CAMSAP1: variants seen among roughly 807,000 people sequenced by gnomAD.
The protein encoded by CAMSAP1 is calmodulin regulated spectrin associated protein 1.
A neutral mutation model predicts 143.5 loss-of-function variants in CAMSAP1; 58 were observed. The observed-to-expected ratio is 0.40, with a 90% confidence interval of 0.33 to 0.50. The LOEUF (loss-of-function observed/expected upper bound fraction) is 0.50, where lower values mean the gene tolerates loss of function less well. CAMSAP1 is among the 20% of genes least tolerant of loss of function. The pLI, the probability that CAMSAP1 is intolerant of heterozygous loss-of-function variation, is 0.45. For missense variants in CAMSAP1, 1,969 were observed against 2,115.7 expected (o/e 0.93, Z 1.36); for synonymous variants, 945 against 859.3 (o/e 1.10, Z -1.74).
chr9:135,853,816 T>C (rs565971716), intron 5 of CAMSAP1, among the ~76,000 whole-genome samples: 64 of 152,244 alleles, frequency 4.2e-4, no homozygotes, highest in South Asian at 1.7e-3. Context: ...GGGCCTTCAA[T>C]GGAACTGCAC....
rs554684817 is a variant in CAMSAP1, at chr9:135,811,073, G to A, written c.*236C>T. The A allele has an allele frequency of 1.0e-4, 58 of 562,844 alleles. No homozygotes were observed. The highest frequency in any genetic ancestry group is 9.8e-4 in the Middle Eastern group (2 of 2,050). 34.9% of individuals were successfully genotyped at this position (562,844 alleles called of 1,614,324 possible). ...CAGCAGTGCGAGCCACTGCAAAAGC[G>A]GCATCTACTCCCCCATCCTCACCCT... is the stretch of plus-strand genomic sequence containing the variant. On this transcript the variant is annotated 3_prime_UTR_variant, in exon 17 of 17. Coordinates refer to ENST00000389532, the MANE Select transcript of CAMSAP1 (RefSeq NM_015447.4). The surrounding 1 kb of genome is among the most constrained non-coding windows in gnomAD (Gnocchi z 4.9).
In CAMSAP1 at chr9:135,818,179, G is replaced by A; in HGVS notation, c.4169-100C>T. 1 of 1,304,730 alleles carries A rather than the reference G, an allele frequency of 7.7e-7. No individual in the cohort carries two copies. The allele number at this position is 1,304,730 out of a possible 1,614,324, so 80.8% of individuals were successfully genotyped here. ...CCCTCACCTCGCCCTGCAGAGCTCG[G>A]CCACACAGGCCGCGTCCCCACCCCA... On this transcript the variant is annotated intron_variant, in intron 13 of 16. Transcript: ENST00000389532. The surrounding 1 kb of genome is among the most constrained non-coding windows in gnomAD (Gnocchi z 7.7).
chr9:135,843,654 G>A (rs528565400), intron 7 of CAMSAP1, among the ~76,000 whole-genome samples: 3 of 152,002 alleles, frequency 2.0e-5, no homozygotes, highest in South Asian at 4.2e-4. Flanking sequence ...GGTGGATCAC[G>A]AGGTCAGGAG....
At chr9:135,827,706 A>G (rs1382190359) in intron 7 of CAMSAP1, 122 bp from the exon 8 acceptor site, 1 of 974,192 alleles carries the variant, frequency 1.0e-6, no homozygotes, top group Non-Finnish European at 1.4e-6. Context: ...CTGCCAAAAA[A>G]AACTGGTTTC....
intron 5 of CAMSAP1, among the ~76,000 whole-genome samples, chr9:135,861,320 T>A (rs543584448): frequency 6.6e-6 from 1 of 151,760 alleles, no homozygotes; most frequent in Non-Finnish European, 1.5e-5. Context: ...TTTTTTTTTT[T>A]TTTTCCCCCC....
Position 135,821,631 on chromosome 9 carries a change from A to G in CAMSAP1, c.3030T>C (p.Thr1010=), listed in dbSNP as rs2131659476. Residue 1010 remains threonine (T), a synonymous_variant, in exon 11 of 17, where the codon ACT becomes ACC. Coordinates refer to ENST00000389532, the MANE Select transcript of CAMSAP1 (RefSeq NM_015447.4). The surrounding 1 kb of genome is among the most constrained non-coding windows in gnomAD (Gnocchi z 4.6). The part of the protein sequence containing the change: ...KVISAALLED[T]VGEVVDVNEC... ...CATTCACGTCGACAACCTCCCCAAC[A>G]GTGTCCTCCAGGAGGGCAGCGGAGA... The G allele has an allele frequency of 1.2e-6, 2 of 1,613,990 alleles. No individual in the cohort carries two copies. The highest frequency in any genetic ancestry group is 2.2e-5 in the East Asian group (1 of 44,886).
At chr9:135,838,024 C>T (rs1274261658) in intron 7 of CAMSAP1, among the ~76,000 whole-genome samples, 1 of 151,658 alleles carries the variant, frequency 6.6e-6, no homozygotes, top group Non-Finnish European at 1.5e-5. Flanking sequence ...TCATCACGCA[C>T]TTTCTACCCC....
chr9:135,823,360 G>A (rs1232450630), intron 10 of CAMSAP1, 100 bp from the exon 11 acceptor site: 6 of 1,291,216 alleles, frequency 4.6e-6, no homozygotes, highest in African/African-American at 3.0e-5. Flanking sequence ...AAGAGAATAC[G>A]CCTCTCATAT....
chr9:135,905,067 A>G (rs1838734921), intron 1 of CAMSAP1, among the ~76,000 whole-genome samples: 1 of 152,160 alleles, frequency 6.6e-6, no homozygotes, highest in South Asian at 2.1e-4. Flanking sequence ...TCAGCTCCTA[A>G]GATGGTGTCC....
chr9:135,825,456 C>A (rs1835639604), intron 8 of CAMSAP1, among the ~76,000 whole-genome samples: 1 of 152,178 alleles, frequency 6.6e-6, no homozygotes, highest in Non-Finnish European at 1.5e-5. Flanking sequence ...ATCACTCACA[C>A]CTTTACCACT....
Position 135,818,230 on chromosome 9 carries a change from A to C in CAMSAP1, c.4169-151T>G, listed in dbSNP as rs1191396727. ...TCCCGGGGAGCCGGGCTGCGCCTGG[A>C]TGTGCCGCACATCTCAGAGCATCTG... On this transcript the variant is annotated intron_variant, in intron 13 of 16. Coordinates refer to ENST00000389532, the MANE Select transcript of CAMSAP1 (RefSeq NM_015447.4). The surrounding 1 kb of genome is among the most constrained non-coding windows in gnomAD (Gnocchi z 7.7). 28 of 1,109,074 alleles carry C rather than the reference A, an allele frequency of 2.5e-5. No individual in the cohort carries two copies. Among genetic ancestry groups the C allele is most frequent in the Non-Finnish European group, 3.3e-5 (26 of 783,168 alleles). 68.7% of individuals were successfully genotyped at this position (1,109,074 alleles called of 1,614,324 possible). A position where few individuals can be genotyped will look rare whatever the true frequency, so the allele number is the denominator to read the frequency against.
At chr9:135,817,856 G>A in intron 14 of CAMSAP1, 121 bp downstream of exon 14, 1 of 769,424 alleles carries the variant, frequency 1.3e-6, no homozygotes, top group East Asian at 2.7e-5. Flanking sequence ...TTCTGTAAAT[G>A]TGAAATTATA....
chr9:135,834,904 A>G (rs901527811), intron 7 of CAMSAP1, among the ~76,000 whole-genome samples: 8 of 152,086 alleles, frequency 5.3e-5, no homozygotes, highest in African/African-American at 1.9e-4. Flanking sequence ...ACCTGCCCCC[A>G]TCTTCCCTCG....
intron 1 of CAMSAP1, among the ~76,000 whole-genome samples, chr9:135,887,656 G>A (rs937907939): frequency 2.6e-5 from 4 of 152,158 alleles, no homozygotes; most frequent in South Asian, 2.1e-4. Flanking sequence ...AGGGGTGGGC[G>A]GCCCATCAGC....
intron 7 of CAMSAP1, among the ~76,000 whole-genome samples, chr9:135,828,523 C>G (rs1049398796): frequency 6.6e-6 from 1 of 152,216 alleles, no homozygotes; most frequent in Non-Finnish European, 1.5e-5. Context: ...AGCTAAACCC[C>G]CAACCCAAGA....
At chr9:135,843,156 C>T (rs1003719617) in intron 7 of CAMSAP1, among the ~76,000 whole-genome samples, 1 of 151,952 alleles carries the variant, frequency 6.6e-6, no homozygotes, top group African/African-American at 2.4e-5. Context: ...GGAGAAACCC[C>T]GTCTCTACTA....
intron 5 of CAMSAP1, among the ~76,000 whole-genome samples, chr9:135,856,768 A>C (rs1332879756): frequency 6.6e-6 from 1 of 152,088 alleles, no homozygotes; most frequent in Non-Finnish European, 1.5e-5. Context: ...ACAACTCTTC[A>C]TTTCTCCTGG....
intron 7 of CAMSAP1, among the ~76,000 whole-genome samples, 181 bp from the exon 8 acceptor site, chr9:135,827,765 C>T (rs371614184): frequency 5.5e-4 from 84 of 152,264 alleles, no homozygotes; most frequent in Middle Eastern, 3.4e-3. Context: ...AATATTATAC[C>T]GAAGTAAATA....
chr9:135,821,798 C>T lies in CAMSAP1; in HGVS notation c.2863G>A (p.Glu955Lys), dbSNP rs776702915. 7 of 1,613,980 alleles carry T rather than the reference C, an allele frequency of 4.3e-6. No individual in the cohort carries two copies. The highest frequency in any genetic ancestry group is 2.7e-5 in the African/African-American group (2 of 75,042). ...EDCGDAVSKT[E>K]DFLVKEEQRE... ...TGCTCCTCCTTCACGAGAAAGTCTT[C>T]GGTTTTGGAAACAGCGTCCCCACAG... Residue 955 changes from glutamate to lysine, a missense_variant, in exon 11 of 17, where the codon GAA becomes AAA. Transcript: ENST00000389532. The surrounding 1 kb of genome is among the most constrained non-coding windows in gnomAD (Gnocchi z 4.6).
Sources: gnomAD v4.1 joint callset for allele counts (sites outside exome capture counted in the v4.1 genomes callset) on GRCh38, gnomAD v4.1.1 for gene constraint, Gnocchi (gnomAD v3.1) non-coding constraint, MANE v1.5 for transcripts, NCBI Gene and HGNC (gene_info 2026-07-23, HGNC 2026-07-21) for gene names.